HS2ST1: variants seen among roughly 807,000 people sequenced by gnomAD.
HS2ST1 encodes the protein heparan sulfate 2-O-sulfotransferase 1, also known as 2-O-sulfotransferase.
HS2ST1 carries 18 observed loss-of-function variants against 42.9 expected under a neutral mutation model. The observed-to-expected ratio is 0.42, with a 90% CI of 0.29 to 0.62. The LOEUF (loss-of-function observed/expected upper bound fraction) is 0.62. HS2ST1 is among the 20% of genes least tolerant of loss of function. The pLI, the probability that HS2ST1 is intolerant of heterozygous loss-of-function variation, is 0.21. For missense variants in HS2ST1, 334 were observed against 433.8 expected, an observed-to-expected ratio of 0.77 and a Z score of 2.04; for synonymous variants, 146 against 152.9, an observed-to-expected ratio of 0.95 and a Z score of 0.33.
intron 1 of HS2ST1, among the ~76,000 whole-genome samples, chr1:87,055,240 C>A (rs2100617470): frequency 6.6e-6 from 1 of 152,346 alleles, no homozygotes; most frequent in South Asian, 2.1e-4. Flanking sequence ...GTTTGAACTT[C>A]AGTGTAGACT....
At chr1:86,939,999 A>G (rs1660728931) in intron 1 of HS2ST1, among the ~76,000 whole-genome samples, 1 of 152,192 alleles carries the variant, frequency 6.6e-6, no homozygotes, top group Non-Finnish European at 1.5e-5. Context: ...ATTTACTGTT[A>G]GCAATATTTT....
intron 1 of HS2ST1, among the ~76,000 whole-genome samples, chr1:86,999,505 A>G (rs1314661729): frequency 6.6e-6 from 1 of 152,112 alleles, no homozygotes; most frequent in Non-Finnish European, 1.5e-5. Context: ...TGGTTTTACC[A>G]TGTCATTTGT....
intron 1 of HS2ST1, among the ~76,000 whole-genome samples, chr1:86,926,453 G>C (rs764018999): frequency 1.3e-5 from 2 of 152,104 alleles, no homozygotes; most frequent in African/African-American, 2.4e-5. Context: ...CTGTGCTATA[G>C]CCTAGAAACT....
At position 87,105,068 on chromosome 1, in the gene HS2ST1, G is replaced by A. The variant is rs990368532; in HGVS notation, c.*372G>A. 1 of 192,002 alleles carries A rather than the reference G, an allele frequency of 5.2e-6. No homozygotes were observed. The highest frequency in any genetic ancestry group is 1.1e-5 in the Non-Finnish European group (1 of 92,736). 11.9% of individuals were successfully genotyped at this position (192,002 alleles called of 1,614,324 possible). On this transcript the variant is annotated 3_prime_UTR_variant, in exon 7 of 7. Transcript: ENST00000370550. Reference sequence around the variant, plus strand: ...TTCAACTAACCATGAATTAAGATGAGTCCATTTGCCTCTTCTGCCTTCACT... The same window carrying A: ...TTCAACTAACCATGAATTAAGATGAATCCATTTGCCTCTTCTGCCTTCACT...
At chr1:86,953,997 C>T (rs1402291123) in intron 1 of HS2ST1, among the ~76,000 whole-genome samples, 1 of 139,600 alleles carries the variant, frequency 7.2e-6, no homozygotes, top group African/African-American at 2.7e-5. Context: ...TTGTGACGCC[C>T]CAAAACAATT....
chr1:86,955,024 G>A (rs1028575470), intron 1 of HS2ST1, among the ~76,000 whole-genome samples: 5 of 152,078 alleles, frequency 3.3e-5, no homozygotes, highest in Non-Finnish European at 7.4e-5. Context: ...CTTGAACTGG[G>A]GAGATCGAGG....
chr1:86,935,343 A>G (rs1660623364), intron 1 of HS2ST1, among the ~76,000 whole-genome samples: 1 of 151,770 alleles, frequency 6.6e-6, no homozygotes, highest in Non-Finnish European at 1.5e-5. Context: ...AAAATTAGTA[A>G]TATAATTAGA....
chr1:87,002,265 A>G (rs945095558), intron 1 of HS2ST1, among the ~76,000 whole-genome samples: 4 of 152,172 alleles, frequency 2.6e-5, no homozygotes, highest in Non-Finnish European at 5.9e-5. Context: ...GGTAGGTGAG[A>G]TAACTTTGTA....
intron 1 of HS2ST1, among the ~76,000 whole-genome samples, chr1:87,065,259 T>C (rs1651220008): frequency 6.6e-6 from 1 of 152,166 alleles, no homozygotes; most frequent in Non-Finnish European, 1.5e-5. Context: ...TCCTAGAAAA[T>C]GCAAAGGATC....
In HS2ST1 at chr1:87,073,201, A is replaced by G. The variant is rs749733726; in HGVS notation, c.363+29A>G. ...ATTACCACTTAAGGAATGCCCAAAT[A>G]TTTTCTAATACTTCCTCACTCAAAT... On this transcript the variant is annotated intron_variant, in intron 2 of 6. Transcript: ENST00000370550. The G allele has an allele frequency of 2.1e-6, 3 of 1,423,696 alleles. No individual in the cohort carries two copies. The South Asian group carries it at 3.5e-5, about 16-fold the overall frequency. The allele number at this position is 1,423,696 out of a possible 1,614,324, so 88.2% of individuals were successfully genotyped here.
At chr1:87,101,251 C>T (rs1460180567) in intron 5 of HS2ST1, among the ~76,000 whole-genome samples, 6 of 149,210 alleles carry the variant, frequency 4.0e-5, no homozygotes, top group Non-Finnish European at 5.9e-5. Flanking sequence ...CTGCAACCTC[C>T]GCCTCCCGGG....
intron 1 of HS2ST1, among the ~76,000 whole-genome samples, chr1:86,944,396 C>G (rs1270224374): frequency 6.6e-6 from 1 of 152,012 alleles, no homozygotes; most frequent in African/African-American, 2.4e-5. Flanking sequence ...ATACTGTTGC[C>G]CAGGCTGGAG....
intron 1 of HS2ST1, among the ~76,000 whole-genome samples, chr1:86,928,230 C>T (rs1173263569): frequency 6.6e-6 from 1 of 151,804 alleles, no homozygotes. Context: ...AGGACATTAT[C>T]GTAAGTTTTC....
intron 1 of HS2ST1, among the ~76,000 whole-genome samples, chr1:86,989,156 A>C (rs137860842): frequency 6.6e-4 from 101 of 152,358 alleles, no homozygotes; most frequent in African/African-American, 2.3e-3. Context: ...AAAAGACAGA[A>C]AGGTGTATTT....
chr1:87,103,570 T>G lies in HS2ST1; in HGVS notation c.825T>G (p.Ala275=), dbSNP rs1490612167. Residue 275 remains alanine (A), a synonymous_variant, in exon 6 of 7, where the codon GCT becomes GCG. Transcript: ENST00000370550. ...EAALPRFFRG[A]TELYRTGKKS... The stretch of plus-strand genomic sequence containing the variant: ...CATTGCCCCGGTTTTTCAGGGGTGC[T>G]ACTGAACTCTATCGCACAGGTATAT... 1.2e-6 allele frequency: 2 copies of G among 1,609,368 alleles called. No individual in the cohort carries two copies. The highest frequency in any genetic ancestry group is 1.7e-5 in the Admixed American group (1 of 59,010).
At chr1:86,925,611 A>G (rs1453419403) in intron 1 of HS2ST1, among the ~76,000 whole-genome samples, 1 of 152,190 alleles carries the variant, frequency 6.6e-6, no homozygotes, top group African/African-American at 2.4e-5. Context: ...TTTTAAAACC[A>G]TCAGATCTCA....
chr1:86,992,982 T>A, intron 1 of HS2ST1: 1 of 1,302,808 alleles, frequency 7.7e-7, no homozygotes, highest in South Asian at 1.4e-5. Flanking sequence ...CTTCTTGGCG[T>A]CTGTGTCTAT....
At chr1:87,049,867 A>G (rs912760680) in intron 1 of HS2ST1, among the ~76,000 whole-genome samples, 1 of 152,024 alleles carries the variant, frequency 6.6e-6, no homozygotes, top group Non-Finnish European at 1.5e-5. Flanking sequence ...CTTTAATTAT[A>G]CTTGCAGATT....
chr1:87,045,481 A>T, intron 1 of HS2ST1: 1 of 1,013,010 alleles, frequency 9.9e-7, no homozygotes, highest in East Asian at 2.4e-5. Context: ...CAGTCACTTT[A>T]TGGACATTCA....
Sources: gnomAD v4.1 joint callset for allele counts (sites outside exome capture counted in the v4.1 genomes callset) on GRCh38, gnomAD v4.1.1 for gene constraint, MANE v1.5 for transcripts, NCBI Gene and HGNC (gene_info 2026-07-23, HGNC 2026-07-21) for gene names.